The following SPTBN1 variants were observed in gnomAD, a reference collection of about 807,000 sequenced individuals.
SPTBN1 encodes the protein spectrin beta, non-erythrocytic 1, also known as spectrin beta chain, non-erythrocytic 1.
Under a neutral mutation model 266.4 loss-of-function variants are expected in SPTBN1, and 32 were observed. The ratio of observed to expected loss-of-function variants is 0.12; its 90% CI spans 0.09 to 0.16. SPTBN1 has a LOEUF of 0.16. Among genes scored for constraint, SPTBN1 ranks in the 10% least tolerant of loss-of-function variants. The pLI, the probability that SPTBN1 is intolerant of heterozygous loss-of-function variation, is 1.00. For missense variants in SPTBN1, 2,296 were observed against 3,067.1 expected (o/e 0.75, Z 5.94); for synonymous variants, 1,336 against 1,162.2 (o/e 1.15, Z -3.04).
At chr2:54,597,156 A>T (rs896308422) in intron 2 of SPTBN1, among the ~76,000 whole-genome samples, 1 of 152,220 alleles carries the variant, frequency 6.6e-6, no homozygotes, top group Non-Finnish European at 1.5e-5. Flanking sequence ...CACAAAAAAA[A>T]TTGTTAACCC....
intron 2 of SPTBN1, among the ~76,000 whole-genome samples, chr2:54,550,424 ATGT>A (rs1218266167): frequency 6.6e-6 from 1 of 152,190 alleles, no homozygotes; most frequent in Non-Finnish European, 1.5e-5. Context: ...AGGGCTGCAC[ATGT>A]TGTTCCATAT....
At chr2:54,570,945 G>A (rs1457286618) in intron 2 of SPTBN1, among the ~76,000 whole-genome samples, 4 of 152,152 alleles carry the variant, frequency 2.6e-5, no homozygotes, top group African/African-American at 7.2e-5. Flanking sequence ...AGTGCAAAGT[G>A]TGTTTCTTGT....
intron 18 of SPTBN1, 149 bp from the exon 19 acceptor site, chr2:54,642,834 G>A (rs1679667141): frequency 6.3e-6 from 6 of 946,024 alleles, no homozygotes; most frequent in Non-Finnish European, 9.5e-6. Flanking sequence ...GTCATGACGG[G>A]TCAGAGTTGT....
chr2:54,484,797 C>T (rs921077449), intron 1 of SPTBN1, among the ~76,000 whole-genome samples: 7 of 152,108 alleles, frequency 4.6e-5, no homozygotes, highest in Non-Finnish European at 8.8e-5. Flanking sequence ...CCCAGAAAGG[C>T]GCAATGTGGC....
intron 18 of SPTBN1, 94 bp downstream of exon 18, chr2:54,637,897 A>T (rs1337918740): frequency 9.3e-7 from 1 of 1,080,590 alleles, no homozygotes; most frequent in Non-Finnish European, 1.4e-6. Flanking sequence ...TATAAAATTA[A>T]TGAAACCAGA....
chr2:54,504,370 C>G (rs1191555641), intron 1 of SPTBN1, among the ~76,000 whole-genome samples: 3 of 152,184 alleles, frequency 2.0e-5, no homozygotes, highest in African/African-American at 7.2e-5. Flanking sequence ...AAGGATATTC[C>G]TTGGGTGACT....
At chr2:54,573,416 C>T (rs1258610598) in intron 2 of SPTBN1, among the ~76,000 whole-genome samples, 1 of 152,184 alleles carries the variant, frequency 6.6e-6, no homozygotes, top group Non-Finnish European at 1.5e-5. Flanking sequence ...TGTGAGAATG[C>T]TGCTGCTGAT....
At chr2:54,596,002 TGTA>T in intron 2 of SPTBN1, among the ~76,000 whole-genome samples, 1 of 84,560 alleles carries the variant, frequency 1.2e-5, no homozygotes, top group Non-Finnish European at 2.3e-5. Context: ...GCTACCTTTT[TGTA>T]CCTTTTTGTA....
intron 1 of SPTBN1, among the ~76,000 whole-genome samples, chr2:54,471,469 G>A (rs1010163209): frequency 7.2e-6 from 1 of 139,588 alleles, no homozygotes; most frequent in Non-Finnish European, 1.6e-5. Context: ...CTCAGATGGT[G>A]GTCTGATTTT....
chr2:54,531,516 T>C (rs1215942609), intron 2 of SPTBN1, among the ~76,000 whole-genome samples: 1 of 152,180 alleles, frequency 6.6e-6, no homozygotes, highest in African/African-American at 2.4e-5. Flanking sequence ...CTTGAATTCC[T>C]GATCTCCAGT....
At chr2:54,625,172 C>T (rs1678243805) in intron 11 of SPTBN1, among the ~76,000 whole-genome samples, 1 of 152,184 alleles carries the variant, frequency 6.6e-6, no homozygotes, top group Non-Finnish European at 1.5e-5. Flanking sequence ...GATTTGGAAG[C>T]AGCTCAAGCA....
At chr2:54,577,092 T>A (rs752571951) in intron 2 of SPTBN1, among the ~76,000 whole-genome samples, 2 of 152,140 alleles carry the variant, frequency 1.3e-5, no homozygotes, top group African/African-American at 4.8e-5. Context: ...TAATGCTTAT[T>A]ATTAGTTGGG....
intron 29 of SPTBN1, among the ~76,000 whole-genome samples, chr2:54,656,346 G>T (rs1484720661): frequency 6.6e-6 from 1 of 152,170 alleles, no homozygotes; most frequent in Non-Finnish European, 1.5e-5. Flanking sequence ...ATCTCATTAA[G>T]TCATATTTGG....
At chr2:54,577,145 G>T (rs533378693) in intron 2 of SPTBN1, among the ~76,000 whole-genome samples, 3 of 152,116 alleles carry the variant, frequency 2.0e-5, no homozygotes, top group Non-Finnish European at 2.9e-5. Flanking sequence ...GCTAATCTTG[G>T]CACAGGTCCC....
Position 54,612,058 on chromosome 2 carries a change from G to A in SPTBN1, c.301-103G>A, listed in dbSNP as rs369747017. ...TGTTTGTTAATGTTCTGCTCTGAGC[G>A]GGAGAGCATTGCATGAATGGGCACA... On this transcript the variant is annotated intron_variant, in intron 3 of 35. Coordinates refer to ENST00000356805, the MANE Select transcript of SPTBN1 (RefSeq NM_003128.3). The A allele has an allele frequency of 1.2e-3, 1,347 of 1,117,050 alleles. 20 individuals are homozygous for A. In the South Asian group the frequency reaches 0.02, roughly 17 times the overall value. The allele number at this position is 1,117,050 out of a possible 1,614,324, so 69.2% of individuals were successfully genotyped here. A position where few individuals can be genotyped will look rare whatever the true frequency, so the allele number is the denominator to read the frequency against.
chr2:54,598,226 C>A (rs1676234507), intron 2 of SPTBN1, among the ~76,000 whole-genome samples: 1 of 152,170 alleles, frequency 6.6e-6, no homozygotes. Context: ...AACACTGTTT[C>A]CTGGATGACT....
intron 4 of SPTBN1, among the ~76,000 whole-genome samples, chr2:54,615,858 G>T (rs931197948): frequency 6.6e-6 from 1 of 152,172 alleles, no homozygotes; most frequent in East Asian, 1.9e-4. Context: ...CAAAAAAACC[G>T]AACTCAGTAT....
chr2:54,476,216 G>C (rs751362495), intron 1 of SPTBN1, among the ~76,000 whole-genome samples: 3 of 152,040 alleles, frequency 2.0e-5, no homozygotes, highest in Non-Finnish European at 4.4e-5. Context: ...ACGGTGGACT[G>C]ATGGGCTAGA....
intron 1 of SPTBN1, among the ~76,000 whole-genome samples, chr2:54,458,211 A>G (rs1449194998): frequency 6.6e-6 from 1 of 152,238 alleles, no homozygotes; most frequent in African/African-American, 2.4e-5. Flanking sequence ...CCATTTTTAA[A>G]TGAAATGATT....
Sources: allele counts gnomAD v4.1 joint callset (sites outside exome capture counted in the v4.1 genomes callset), GRCh38; gene constraint gnomAD v4.1.1; transcripts MANE v1.5; gene names NCBI Gene and HGNC (gene_info 2026-07-23, HGNC 2026-07-21).